Variants in TXNL1 observed in about 807,000 individuals in gnomAD.
TXNL1 encodes the protein thioredoxin-like protein 1.
Under a neutral mutation model 35.5 loss-of-function variants are expected in TXNL1, and 14 were observed. The ratio of observed to expected loss-of-function variants is 0.39; its 90% CI spans 0.26 to 0.62. TXNL1 has a LOEUF of 0.62. TXNL1 is among the 20% of genes least tolerant of loss of function. The pLI is 0.47. For missense variants in TXNL1, 263 were observed against 349.7 expected, an observed-to-expected ratio of 0.75 and a Z score of 1.98; for synonymous variants, 110 against 115.5, an observed-to-expected ratio of 0.95 and a Z score of 0.31.
In TXNL1 at chr18:56,628,866, C is replaced by G. The variant is rs990766190; in HGVS notation, c.99-2409G>C. ...CAAAATAAAAACAAATGTTAAAACTCAAGTTGTGATCAACTCCACATTCTT... is the reference window on the plus strand; with the variant it reads ...CAAAATAAAAACAAATGTTAAAACTGAAGTTGTGATCAACTCCACATTCTT... On this transcript the variant is annotated intron_variant, in intron 1 of 7. Transcript: ENST00000217515. 2.6e-5 allele frequency among the ~76,000 whole-genome samples: 4 copies of G among 152,310 alleles called. No individual in the cohort carries two copies. The East Asian group carries it at 7.7e-4, about 29-fold the overall frequency.
intron 1 of TXNL1, among the ~76,000 whole-genome samples, chr18:56,638,122 G>A (rs945137472): frequency 6.6e-6 from 1 of 152,178 alleles, no homozygotes; most frequent in Non-Finnish European, 1.5e-5. Flanking sequence ...TCCTGAGCTG[G>A]AGAAGCCGGC....
At chr18:56,626,231 C>T in intron 2 of TXNL1, 130 bp downstream of exon 2, 2 of 1,442,378 alleles carry the variant, frequency 1.4e-6, no homozygotes, top group Middle Eastern at 2.4e-4. Flanking sequence ...ATAATGACAT[C>T]AACATAACAT....
intron 6 of TXNL1, among the ~76,000 whole-genome samples, chr18:56,611,873 G>A (rs1158942985): frequency 6.8e-6 from 1 of 147,250 alleles, no homozygotes; most frequent in Non-Finnish European, 1.5e-5. Context: ...TTAAGAGATG[G>A]AGTCTTGCTC....
At chr18:56,626,655 C>T (rs888236822) in intron 1 of TXNL1, among the ~76,000 whole-genome samples, 198 bp from the exon 2 acceptor site, 1 of 151,644 alleles carries the variant, frequency 6.6e-6, no homozygotes, top group Non-Finnish European at 1.5e-5. Context: ...CACCACCACG[C>T]CCAGCTAATT....
Position 56,638,365 on chromosome 18 carries a change from C to T in TXNL1, c.76G>A (p.Val26Met). The T allele has an allele frequency of 6.2e-7, 1 of 1,613,504 alleles. No homozygotes were observed. The change falls in exon 1 of 8, where the codon GTG (valine) becomes ATG (methionine). Residue 26 changes from valine (V) to methionine (M), a missense_variant. Coordinates refer to ENST00000217515, the MANE Select transcript of TXNL1 (RefSeq NM_004786.3). ...CACCCTCTCATGGTGAACTTGACCA[C>T]GGCGAGTCTGGAGCCCGCGCCGCTC... ...ELSGAGSRLA[V>M]VKFTMRGCGP...
chr18:56,632,123 C>T lies in TXNL1; in HGVS notation c.99-5666G>A, dbSNP rs373457901. Among the ~76,000 whole-genome samples the T allele has an allele frequency of 2.0e-5, 3 of 152,078 alleles. No homozygotes were observed. The East Asian group carries it at 5.8e-4, about 29-fold the overall frequency. On this transcript the variant is annotated intron_variant, in intron 1 of 7. Coordinates refer to ENST00000217515, the MANE Select transcript of TXNL1 (RefSeq NM_004786.3). ...GCTTTCTTTGAAAGAGCATTAGCTT[C>T]TTTTTAATACACTTTTTACTACAGT...
chr18:56,635,316 C>T (rs983711252), intron 1 of TXNL1, among the ~76,000 whole-genome samples: 4 of 152,070 alleles, frequency 2.6e-5, no homozygotes, highest in African/African-American at 4.8e-5. Context: ...ATAGCAATGT[C>T]CCCTAGCAGC....
chr18:56,633,371 C>A (rs942556164), intron 1 of TXNL1, among the ~76,000 whole-genome samples: 1 of 148,574 alleles, frequency 6.7e-6, no homozygotes, highest in African/African-American at 2.5e-5. Flanking sequence ...GGCGTGAACT[C>A]GGGAGGTGGA....
At chr18:56,611,985 A>C (rs896203060) in intron 6 of TXNL1, among the ~76,000 whole-genome samples, 2 of 144,458 alleles carry the variant, frequency 1.4e-5, no homozygotes, top group Non-Finnish European at 3.0e-5. Flanking sequence ...AGGAGGGGGG[A>C]CTACAGGCAC....
At chr18:56,622,378 A>C (rs942802894) in intron 3 of TXNL1, among the ~76,000 whole-genome samples, 1 of 152,180 alleles carries the variant, frequency 6.6e-6, no homozygotes, top group African/African-American at 2.4e-5. Flanking sequence ...TTTGGGGATA[A>C]TTAAGAAAAT....
chr18:56,634,325 C>T (rs1399220281), intron 1 of TXNL1, among the ~76,000 whole-genome samples: 2 of 152,130 alleles, frequency 1.3e-5, no homozygotes, highest in East Asian at 3.9e-4. Context: ...AAGAACAGCA[C>T]TTTATAATTC....
At chr18:56,621,033 T>C (rs1161150170) in intron 3 of TXNL1, among the ~76,000 whole-genome samples, 1 of 152,234 alleles carries the variant, frequency 6.6e-6, no homozygotes, top group Non-Finnish European at 1.5e-5. Flanking sequence ...ATCTTTAAAA[T>C]GTTTTTGTCT....
chr18:56,622,317 G>T (rs80289758), intron 3 of TXNL1, among the ~76,000 whole-genome samples: 1 of 152,046 alleles, frequency 6.6e-6, no homozygotes, highest in Non-Finnish European at 1.5e-5. Flanking sequence ...TAAATGCAAT[G>T]CATGATCCTT....
intron 7 of TXNL1, among the ~76,000 whole-genome samples, chr18:56,604,204 G>T (rs1158715240): frequency 6.6e-6 from 1 of 152,112 alleles, no homozygotes; most frequent in Non-Finnish European, 1.5e-5. Flanking sequence ...TCATATAAAA[G>T]AATGTGGATA....
Position 56,614,463 on chromosome 18 carries a change from T to G in TXNL1, c.696A>C (p.Pro232=). The G allele has an allele frequency of 1.9e-6, 3 of 1,613,862 alleles. No homozygotes were observed. Among genetic ancestry groups the G allele is most frequent in the Non-Finnish European group, 2.5e-6 (3 of 1,179,930 alleles). The change falls in exon 6 of 8, where the codon CCA becomes CCC. Residue 232 remains proline, a synonymous_variant. Transcript: ENST00000217515. ...EDDIKEDGIV[P]LRYVKFQNVN... ...CATTCTGAAACTTAACATAACGAAG[T>G]GGAACAATGCCATCTTCTTTAATAT...
chr18:56,611,502 C>CA (rs201498465), intron 6 of TXNL1, among the ~76,000 whole-genome samples: 7,565 of 98,422 alleles, frequency 0.077, 237 homozygotes, highest in Non-Finnish European at 0.1. Flanking sequence ...AACTCTGGCT[C>CA]AAAAAAAAAA....
At position 56,602,768 on chromosome 18, in the gene TXNL1, T is replaced by C. The variant is rs963891953; in HGVS notation, c.*259A>G. On this transcript the variant is annotated 3_prime_UTR_variant, in exon 8 of 8. Transcript: ENST00000217515. ...TTAAGTCTCTACTAAAATCAGAAGT[T>C]AACCAGTTTTCAAATACATGGAAAG... is the stretch of plus-strand genomic sequence containing the variant. The C allele has an allele frequency of 9.0e-6, 5 of 554,976 alleles. No homozygotes were observed. Among genetic ancestry groups the C allele is most frequent in the African/African-American group, 5.7e-5 (3 of 52,520 alleles). 34.4% of individuals were successfully genotyped at this position (554,976 alleles called of 1,614,324 possible). A position where few individuals can be genotyped will look rare whatever the true frequency, so the allele number is the denominator to read the frequency against.
At chr18:56,636,392 T>C (rs1487225468) in intron 1 of TXNL1, among the ~76,000 whole-genome samples, 2 of 152,172 alleles carry the variant, frequency 1.3e-5, no homozygotes, top group South Asian at 2.1e-4. Flanking sequence ...ACCCGTCATA[T>C]ACATAATTCT....
intron 2 of TXNL1, 153 bp downstream of exon 2, chr18:56,626,205 CATA>C (rs752707494): frequency 7.2e-7 from 1 of 1,379,598 alleles, no homozygotes; most frequent in Non-Finnish European, 9.4e-7. Context: ...CTAATGCAGC[CATA>C]ATGACATCTG....
Sources: allele counts gnomAD v4.1 joint callset (sites outside exome capture counted in the v4.1 genomes callset), GRCh38; gene constraint gnomAD v4.1.1; transcripts MANE v1.5; gene names NCBI Gene and HGNC (gene_info 2026-07-23, HGNC 2026-07-21).